Variants in KIAA0825 observed in about 807,000 individuals in gnomAD.
KIAA0825 encodes the protein KIAA0825, also known as uncharacterized protein KIAA0825.
A neutral mutation model predicts 147.6 loss-of-function variants in KIAA0825; 119 were observed. The ratio of observed to expected loss-of-function variants is 0.81; its 90% CI spans 0.69 to 0.94. The LOEUF (loss-of-function observed/expected upper bound fraction) is 0.94. KIAA0825 is among the 40% of genes least tolerant of loss of function. The probability of loss-of-function intolerance (pLI) is 0.00; values close to 1 mark genes in which losing one functional copy is unlikely to be tolerated. For synonymous variants in KIAA0825, 470 were observed against 518.1 expected (o/e 0.91, Z 1.26); for missense variants, 1,381 against 1,472.7 (o/e 0.94, Z 1.02).
At chr5:94,503,805 G>T (rs533584364) in intron 5 of KIAA0825, among the ~76,000 whole-genome samples, 1 of 152,270 alleles carries the variant, frequency 6.6e-6, no homozygotes, top group South Asian at 2.1e-4. Context: ...AGCAAATAAG[G>T]ATATCTTCCT....
chr5:94,322,357 A>G (rs1164169926), intron 20 of KIAA0825, among the ~76,000 whole-genome samples: 1 of 151,922 alleles, frequency 6.6e-6, no homozygotes. Context: ...AGACAAATAA[A>G]TAATAGTTTG....
intron 2 of KIAA0825, among the ~76,000 whole-genome samples, chr5:94,545,708 G>A (rs1377355779): frequency 6.6e-6 from 1 of 152,156 alleles, no homozygotes; most frequent in Non-Finnish European, 1.5e-5. Flanking sequence ...AACTAACAAC[G>A]CTATCCAGGT....
At chr5:94,312,156 A>G (rs1779243430) in intron 20 of KIAA0825, among the ~76,000 whole-genome samples, 1 of 151,704 alleles carries the variant, frequency 6.6e-6, no homozygotes, top group Non-Finnish European at 1.5e-5. Context: ...TCAAGTTCTT[A>G]CACAGGGAAA....
chr5:94,259,447 AAC>A (rs1240465029), intron 20 of KIAA0825, among the ~76,000 whole-genome samples: 14 of 151,992 alleles, frequency 9.2e-5, no homozygotes, highest in Admixed American at 9.2e-4. Context: ...TAACTCATGA[AAC>A]ACACAGTGTA....
chr5:94,182,250 C>CTTTTTTTTTTTTTTTTTTTTTTTTT lies in KIAA0825; in HGVS notation c.3711-28151_3711-28127dup. 7.6e-4 allele frequency among the ~76,000 whole-genome samples: 29 copies of CTTTTTTTTTTTTTTTTTTTTTTTTT among 38,288 alleles called. 12 individuals are homozygous for CTTTTTTTTTTTTTTTTTTTTTTTTT. Among genetic ancestry groups the CTTTTTTTTTTTTTTTTTTTTTTTTT allele is most frequent in the Non-Finnish European group, 9.0e-4 (21 of 23,236 alleles). The allele number at this position is 38,288 out of a possible 152,430, so 25.1% of individuals were successfully genotyped here. On this transcript the variant is annotated intron_variant, in intron 20 of 20. Coordinates refer to ENST00000682413, the MANE Select transcript of KIAA0825 (RefSeq NM_001145678.3). ...CAAGACATAACTTAAAATGTCCCTT[C>CTTTTTTTTTTTTTTTTTTTTTTTTT]TTTTTTTTTTTTTTTTTTTTTTTTT...
intron 14 of KIAA0825, among the ~76,000 whole-genome samples, chr5:94,431,951 C>T (rs768676952): frequency 6.6e-6 from 1 of 152,156 alleles, no homozygotes; most frequent in South Asian, 2.1e-4. Flanking sequence ...GATTAGGGCT[C>T]TTACTCTAAA....
intron 13 of KIAA0825, among the ~76,000 whole-genome samples, chr5:94,447,273 C>T (rs188950517): frequency 6.3e-4 from 96 of 151,878 alleles, no homozygotes; most frequent in African/African-American, 2.2e-3. Context: ...ACAAAGAGTA[C>T]AGGAAACATA....
intron 20 of KIAA0825, among the ~76,000 whole-genome samples, chr5:94,345,708 T>A (rs1047415956): frequency 3.3e-5 from 5 of 152,178 alleles, no homozygotes; most frequent in African/African-American, 1.2e-4. Flanking sequence ...CAGATTTTTT[T>A]AATCTGCTAT....
In KIAA0825 at chr5:94,238,663, C is replaced by T. The variant is rs74832126; in HGVS notation, c.3711-84539G>A. ...CATATTACTTATTGAATAGTACATT[C>T]TTACCTTAGCATTTCACCACGAGCG... On this transcript the variant is annotated intron_variant, in intron 20 of 20. Transcript: ENST00000682413. 5.3e-3 allele frequency among the ~76,000 whole-genome samples: 800 copies of T among 152,236 alleles called. 7 individuals carry two copies. Among genetic ancestry groups the T allele is most frequent in the Non-Finnish European group, 9.2e-3 (624 of 68,002 alleles).
At position 94,238,716 on chromosome 5, in the gene KIAA0825, T is replaced by C. The variant is rs1469361778; in HGVS notation, c.3711-84592A>G. On this transcript the variant is annotated intron_variant, in intron 20 of 20. Transcript: ENST00000682413. ...GCCAAAAAGTACAATCAACACAATA[T>C]ATCAACAGTCCCTCCCTCTCTCTCT... Among the ~76,000 whole-genome samples, 11 of 146,242 alleles carry C rather than the reference T, an allele frequency of 7.5e-5. No individual in the cohort carries two copies. In the South Asian group the frequency reaches 2.0e-3, roughly 26 times the overall value.
chr5:94,321,143 C>T (rs758661926), intron 20 of KIAA0825, among the ~76,000 whole-genome samples: 1 of 151,950 alleles, frequency 6.6e-6, no homozygotes, highest in Admixed American at 6.6e-5. Context: ...AAATGGCCTA[C>T]TACTATGATC....
rs79931392 is a variant in KIAA0825 at position 94,614,306 on chromosome 5, T to C, written c.-153+4194A>G. Among the ~76,000 whole-genome samples, 66 of 152,308 alleles carry C rather than the reference T, an allele frequency of 4.3e-4. 1 individual carries two copies. The East Asian group carries it at 0.012, about 27-fold the overall frequency. ...GAGTGGTGGGGTCATGGGCCACTCT[T>C]CCTTTCTCTTTCCTTTTTGGCATAT... On this transcript the variant is annotated intron_variant, in intron 1 of 20. Transcript: ENST00000682413.
At chr5:94,544,967 G>A (rs778471500) in intron 2 of KIAA0825, among the ~76,000 whole-genome samples, 2 of 152,034 alleles carry the variant, frequency 1.3e-5, no homozygotes, top group Admixed American at 6.6e-5. Flanking sequence ...AAAACACATT[G>A]CTGACGTCAC....
At chr5:94,559,097 T>C (rs961299920) in intron 2 of KIAA0825, among the ~76,000 whole-genome samples, 2 of 152,214 alleles carry the variant, frequency 1.3e-5, no homozygotes, top group Non-Finnish European at 2.9e-5. Flanking sequence ...GTCTTCTACT[T>C]ACAGGATCCT....
Position 94,520,525 on chromosome 5 carries a change from G to A in KIAA0825, c.693C>T (p.Tyr231=). 1 of 1,613,028 alleles carries A rather than the reference G, an allele frequency of 6.2e-7. No homozygotes were observed. The highest frequency in any genetic ancestry group is 1.7e-5 in the Admixed American group (1 of 59,960). Residue 231 remains tyrosine, a synonymous_variant, in exon 5 of 21, where the codon TAC becomes TAT. Coordinates refer to ENST00000682413, the MANE Select transcript of KIAA0825 (RefSeq NM_001145678.3). Reference sequence around the variant, plus strand: ...TTACATCTAAATTTGAATCTCTGTTGTAAGAAGGAAAGCAGTTCCACAGAA... The same window carrying A: ...TTACATCTAAATTTGAATCTCTGTTATAAGAAGGAAAGCAGTTCCACAGAA... ...ANLLWNCFPS[Y]NRDSNLDVIA...
intron 20 of KIAA0825, among the ~76,000 whole-genome samples, chr5:94,273,792 A>G (rs1185447681): frequency 6.6e-6 from 1 of 151,958 alleles, no homozygotes; most frequent in Non-Finnish European, 1.5e-5. Context: ...TTAAAAAAAA[A>G]TGCTTACCAA....
chr5:94,474,494 CAA>C (rs1330619040), intron 7 of KIAA0825, among the ~76,000 whole-genome samples: 20 of 152,210 alleles, frequency 1.3e-4, no homozygotes, highest in African/African-American at 4.6e-4. Flanking sequence ...GCTAGAAAAA[CAA>C]CAGAGTTGAA....
At chr5:94,497,409 C>G (rs111794161) in intron 5 of KIAA0825, among the ~76,000 whole-genome samples, 273 of 152,112 alleles carry the variant, frequency 1.8e-3, no homozygotes, top group African/African-American at 6.2e-3. Context: ...TTATATAATG[C>G]TTACTATAGC....
chr5:94,250,311 A>C (rs1775882160), intron 20 of KIAA0825, among the ~76,000 whole-genome samples: 1 of 152,166 alleles, frequency 6.6e-6, no homozygotes. Context: ...TGTTGATTGA[A>C]AATAACTTGT....
Sources: allele counts gnomAD v4.1 joint callset (sites outside exome capture counted in the v4.1 genomes callset), GRCh38; gene constraint gnomAD v4.1.1; transcripts MANE v1.5; gene names NCBI Gene and HGNC (gene_info 2026-07-23, HGNC 2026-07-21).